The following RTN1 variants were observed in gnomAD, a reference collection of about 807,000 sequenced individuals.
RTN1 encodes the protein reticulon-1.
Under a neutral mutation model 65.5 loss-of-function variants are expected in RTN1, and 25 were observed. That is an observed-to-expected ratio of 0.38 (90% CI 0.28 to 0.53). The LOEUF is 0.53. Among genes scored for constraint, RTN1 ranks in the 20% least tolerant of loss-of-function variants. RTN1 has a pLI of 0.79. For missense variants in RTN1, 983 were observed against 1,025.4 expected (o/e 0.96, Z 0.57); for synonymous variants, 471 against 447.6 (o/e 1.05, Z -0.66).
intron 1 of RTN1, among the ~76,000 whole-genome samples, chr14:59,752,066 G>A (rs544407144): frequency 6.6e-6 from 1 of 151,996 alleles, no homozygotes; most frequent in Non-Finnish European, 1.5e-5. Context: ...CTTCAACACT[G>A]GATCCTTCCA....
intron 1 of RTN1, among the ~76,000 whole-genome samples, chr14:59,747,407 C>T (rs113091667): frequency 0.09 from 13,702 of 152,210 alleles, 914 homozygotes; most frequent in Non-Finnish European, 0.13. Context: ...GTCGGGAGTT[C>T]GTAGACCAGC....
chr14:59,760,904 T>C (rs180900000), intron 1 of RTN1, among the ~76,000 whole-genome samples: 1 of 152,320 alleles, frequency 6.6e-6, no homozygotes, highest in African/African-American at 2.4e-5. Flanking sequence ...AAATCTGACC[T>C]GGACCTAATG....
chr14:59,679,397 T>C (rs908322794), intron 3 of RTN1, among the ~76,000 whole-genome samples: 2 of 152,196 alleles, frequency 1.3e-5, no homozygotes, highest in African/African-American at 4.8e-5. Context: ...GGCTAGAGAC[T>C]GGAGCTCTAA....
At chr14:59,652,885 A>ATCCT (rs1324313569) in intron 3 of RTN1, among the ~76,000 whole-genome samples, 1 of 152,168 alleles carries the variant, frequency 6.6e-6, no homozygotes, top group East Asian at 1.9e-4. Flanking sequence ...ACTGAAAGAG[A>ATCCT]AAAAAGCCTA....
chr14:59,771,225 A>G (rs1284414753), intron 1 of RTN1, among the ~76,000 whole-genome samples: 1 of 152,128 alleles, frequency 6.6e-6, no homozygotes. Context: ...TATTTGCAAA[A>G]CAGTTAGATC....
intron 1 of RTN1, among the ~76,000 whole-genome samples, chr14:59,865,957 AAGAC>A (rs1219343759): frequency 6.6e-6 from 1 of 152,184 alleles, no homozygotes; most frequent in Non-Finnish European, 1.5e-5. Flanking sequence ...GCTAGACAAA[AAGAC>A]AGATTTTGTC....
At position 59,750,404 on chromosome 14, in the gene RTN1, TATTATATGTATAATATATA is replaced by T. The variant is rs1212949903; in HGVS notation, c.242-3942_242-3924del. On this transcript the variant is annotated intron_variant, in intron 1 of 8. Coordinates refer to ENST00000267484, the MANE Select transcript of RTN1 (RefSeq NM_021136.3). Reference sequence around the variant, plus strand: ...TTATATATTATATCTATAATATATATATTATATGTATAATATATAATATATCTATAATATATAATATATC... The same window carrying T: ...TTATATATTATATCTATAATATATATATATATCTATAATATATAATATATC... 3.5e-3 allele frequency among the ~76,000 whole-genome samples: 182 copies of T among 52,728 alleles called. 5 individuals carry two copies. Among genetic ancestry groups the T allele is most frequent in the African/African-American group, 0.014 (176 of 12,932 alleles). 34.6% of individuals were successfully genotyped at this position (52,728 alleles called of 152,430 possible). A position where few individuals can be genotyped will look rare whatever the true frequency, so the allele number is the denominator to read the frequency against.
intron 1 of RTN1, among the ~76,000 whole-genome samples, chr14:59,759,028 G>A (rs535830933): frequency 6.6e-6 from 1 of 152,282 alleles, no homozygotes; most frequent in South Asian, 2.1e-4. Flanking sequence ...GATGCTGGGT[G>A]GGTTGCAGTA....
In RTN1 at chr14:59,809,970, A is replaced by C. The variant is rs116883540; in HGVS notation, c.241+60420T>G. ...TTTTAAAAAATTCCCAGCTGCATTC[A>C]ATCATCTTTCAACAAATATTTAGAG... is the stretch of plus-strand genomic sequence containing the variant. On this transcript the variant is annotated intron_variant, in intron 1 of 8. Coordinates refer to ENST00000267484, the MANE Select transcript of RTN1 (RefSeq NM_021136.3). 3.0e-3 allele frequency among the ~76,000 whole-genome samples: 462 copies of C among 152,338 alleles called. 1 individual carries two copies. The highest frequency in any genetic ancestry group is 4.3e-3 in the Admixed American group (66 of 15,306).
At chr14:59,610,987 G>C (rs1279021228) in intron 3 of RTN1, among the ~76,000 whole-genome samples, 1 of 152,150 alleles carries the variant, frequency 6.6e-6, no homozygotes, top group African/African-American at 2.4e-5. Context: ...TGACCAATCA[G>C]CACTCCTGGT....
chr14:59,684,737 G>T (rs1883812157), intron 3 of RTN1, among the ~76,000 whole-genome samples: 1 of 151,984 alleles, frequency 6.6e-6, no homozygotes, highest in Admixed American at 6.6e-5. Context: ...CAATAAAGTT[G>T]CAAAGTTTAA....
At chr14:59,706,109 C>A (rs1884287990) in intron 3 of RTN1, among the ~76,000 whole-genome samples, 1 of 152,212 alleles carries the variant, frequency 6.6e-6, no homozygotes, top group Admixed American at 6.5e-5. Flanking sequence ...AGTCTCCATG[C>A]TCATGACACC....
chr14:59,776,331 T>G (rs974543330), intron 1 of RTN1, among the ~76,000 whole-genome samples: 2 of 152,070 alleles, frequency 1.3e-5, no homozygotes, highest in Non-Finnish European at 2.9e-5. Context: ...GGTTAGTTAT[T>G]GTGATAGTGG....
intron 1 of RTN1, among the ~76,000 whole-genome samples, chr14:59,862,337 C>A (rs1490253165): frequency 6.6e-6 from 1 of 152,128 alleles, no homozygotes; most frequent in Non-Finnish European, 1.5e-5. Flanking sequence ...TGTCAGTAAT[C>A]ATGTAGGTGA....
chr14:59,750,078 A>C (rs796991576), intron 1 of RTN1, among the ~76,000 whole-genome samples: 3 of 52,820 alleles, frequency 5.7e-5, no homozygotes, highest in Non-Finnish European at 9.6e-5. Flanking sequence ...TATATTATAT[A>C]TTATAGACAT....
chr14:59,759,871 G>A (rs1349641736), intron 1 of RTN1, among the ~76,000 whole-genome samples: 3 of 152,158 alleles, frequency 2.0e-5, no homozygotes. Flanking sequence ...AGTGAGGCTG[G>A]AGGGCAACAG....
At chr14:59,680,309 A>G (rs1335801052) in intron 3 of RTN1, among the ~76,000 whole-genome samples, 2 of 152,230 alleles carry the variant, frequency 1.3e-5, no homozygotes, top group African/African-American at 4.8e-5. Context: ...CAGTTAGAGA[A>G]GCATTTCTTT....
intron 3 of RTN1, among the ~76,000 whole-genome samples, chr14:59,708,410 C>T (rs1258336790): frequency 2.0e-5 from 3 of 152,202 alleles, no homozygotes; most frequent in South Asian, 4.1e-4. Flanking sequence ...GCTGACATTG[C>T]ATAAGGTGTA....
chr14:59,767,220 T>C (rs1292691997), intron 1 of RTN1, among the ~76,000 whole-genome samples: 1 of 152,150 alleles, frequency 6.6e-6, no homozygotes, highest in South Asian at 2.1e-4. Flanking sequence ...GGTGTGGACA[T>C]GGACTATGTT....
Sources: gnomAD v4.1 joint callset for allele counts (sites outside exome capture counted in the v4.1 genomes callset) on GRCh38, gnomAD v4.1.1 for gene constraint, MANE v1.5 for transcripts, NCBI Gene and HGNC (gene_info 2026-07-23, HGNC 2026-07-21) for gene names.